The following OPRM1 variants were observed in gnomAD, a reference collection of about 807,000 sequenced individuals.
OPRM1 encodes the protein mu-type opioid receptor.
In OPRM1, 27 loss-of-function variants were observed where a neutral mutation model predicts 31.8. That is an observed-to-expected ratio of 0.85 (90% CI 0.63 to 1.17). The LOEUF (loss-of-function observed/expected upper bound fraction) is 1.17, where lower values mean the gene tolerates loss of function less well. OPRM1 is among the 50% of genes most tolerant of loss of function. The probability of loss-of-function intolerance (pLI) is 0.00; values close to 1 mark genes in which losing one functional copy is unlikely to be tolerated. For missense variants in OPRM1, 536 were observed against 511.1 expected (o/e 1.05, Z -0.47); for synonymous variants, 196 against 189.9 (o/e 1.03, Z -0.26).
intron 3 of OPRM1, among the ~76,000 whole-genome samples, chr6:154,186,005 C>A (rs536615035): frequency 2.6e-5 from 4 of 152,172 alleles, no homozygotes; most frequent in Non-Finnish European, 5.9e-5. Flanking sequence ...GTGTTCTTTG[C>A]GGCCTATCAA....
At chr6:154,052,802 T>A (rs1221808385) in intron 1 of OPRM1, among the ~76,000 whole-genome samples, 1 of 152,188 alleles carries the variant, frequency 6.6e-6, no homozygotes, top group Non-Finnish European at 1.5e-5. Context: ...ACTTAGTAGG[T>A]GTGTATATTT....
At chr6:154,076,008 CAT>C (rs1787821580) in intron 1 of OPRM1, among the ~76,000 whole-genome samples, 1 of 152,324 alleles carries the variant, frequency 6.6e-6, no homozygotes, top group Non-Finnish European at 1.5e-5. Context: ...CTCTTCTTCT[CAT>C]GTATAAGGAG....
At chr6:154,097,111 T>G (rs1793525116) in intron 3 of OPRM1, among the ~76,000 whole-genome samples, 2 of 152,176 alleles carry the variant, frequency 1.3e-5, no homozygotes, top group South Asian at 4.1e-4. Context: ...AGCCTTAATA[T>G]TCTGACATAT....
At chr6:154,183,990 C>T (rs1801121713) in intron 3 of OPRM1, among the ~76,000 whole-genome samples, 1 of 152,084 alleles carries the variant, frequency 6.6e-6, no homozygotes, top group Non-Finnish European at 1.5e-5. Context: ...AAGCAAATTT[C>T]AAGTACACAA....
chr6:154,244,301 GGTGT>G (rs10674508), intron 3 of OPRM1, among the ~76,000 whole-genome samples: 1,622 of 148,052 alleles, frequency 0.011, 19 homozygotes, highest in Middle Eastern at 0.021. Context: ...TGTGTGGGTG[GGTGT>G]GTGTGTGTGT....
At chr6:154,169,546 C>T (rs1311198284) in intron 3 of OPRM1, among the ~76,000 whole-genome samples, 2 of 152,344 alleles carry the variant, frequency 1.3e-5, no homozygotes, top group African/African-American at 4.8e-5. Flanking sequence ...TTGAGAACTA[C>T]TGCCCTAGAT....
At chr6:154,057,800 G>T (rs1783612219) in intron 1 of OPRM1, among the ~76,000 whole-genome samples, 1 of 152,114 alleles carries the variant, frequency 6.6e-6, no homozygotes, top group African/African-American at 2.4e-5. Flanking sequence ...TCACTGTAAT[G>T]GAACGATGAC....
At chr6:154,217,260 A>C (rs1778477845) in intron 3 of OPRM1, 1 of 160,548 alleles carries the variant, frequency 6.2e-6, no homozygotes, top group African/African-American at 2.4e-5. Context: ...TTAGATGTAG[A>C]TTCTCTGGTC....
intron 1 of OPRM1, among the ~76,000 whole-genome samples, chr6:154,033,286 G>A (rs1306436329): frequency 6.6e-6 from 1 of 152,178 alleles, no homozygotes; most frequent in Non-Finnish European, 1.5e-5. Context: ...TTAAAGTGTG[G>A]AGGAGGAGAA....
intron 1 of OPRM1, among the ~76,000 whole-genome samples, chr6:154,082,553 T>C (rs1789409651): frequency 6.6e-6 from 1 of 152,224 alleles, no homozygotes; most frequent in African/African-American, 2.4e-5. Flanking sequence ...TGAAGTTGTC[T>C]TCTTTGTTGT....
chr6:154,227,584 A>C (rs1256996697), intron 3 of OPRM1, among the ~76,000 whole-genome samples: 1 of 152,014 alleles, frequency 6.6e-6, no homozygotes, highest in Non-Finnish European at 1.5e-5. Flanking sequence ...CGAGCATGGC[A>C]GCACACGCCT....
At chr6:154,094,734 G>A (rs1055069419) in intron 3 of OPRM1, among the ~76,000 whole-genome samples, 9 of 152,188 alleles carry the variant, frequency 5.9e-5, no homozygotes, top group African/African-American at 1.7e-4. Context: ...ATTGGCATAC[G>A]GTCAACTCTG....
chr6:154,212,818 T>G lies in OPRM1; in HGVS notation c.1165-33875T>G, dbSNP rs771338639. 7.4e-6 allele frequency: 12 copies of G among 1,613,792 alleles called. No homozygotes were observed. The East Asian group carries it at 2.7e-4, about 36-fold the overall frequency. On this transcript the variant is annotated intron_variant, in intron 3 of 3. Transcript: ENST00000337049. ...GAGGAGGGGGTGGTGTCTCCGCAGC[T>G]ATTTCTGGATCTTCCTGTTCACTTT...
At chr6:154,210,459 C>T (rs1053072260) in intron 3 of OPRM1, among the ~76,000 whole-genome samples, 1 of 151,982 alleles carries the variant, frequency 6.6e-6, no homozygotes, top group Non-Finnish European at 1.5e-5. Context: ...AGAAACTTAG[C>T]AAAAATACAT....
chr6:154,204,388 C>T (rs1348856514), intron 3 of OPRM1, among the ~76,000 whole-genome samples: 1 of 152,132 alleles, frequency 6.6e-6, no homozygotes, highest in African/African-American at 2.4e-5. Context: ...CAAAACAAAA[C>T]CAAAATGACA....
intron 3 of OPRM1, among the ~76,000 whole-genome samples, chr6:154,209,509 T>C (rs1202031380): frequency 6.6e-6 from 1 of 151,962 alleles, no homozygotes; most frequent in Non-Finnish European, 1.5e-5. Flanking sequence ...TCACCAGGTA[T>C]GGTGGTGCAC....
chr6:154,194,310 A>C (rs566949794), intron 3 of OPRM1, among the ~76,000 whole-genome samples: 1 of 152,292 alleles, frequency 6.6e-6, no homozygotes, highest in South Asian at 2.1e-4. Flanking sequence ...GAGGCAGGAG[A>C]ATCACTTGAA....
At chr6:154,015,685 A>G (rs753119029) in intron 1 of OPRM1, among the ~76,000 whole-genome samples, 4 of 152,082 alleles carry the variant, frequency 2.6e-5, no homozygotes, top group East Asian at 1.9e-4. Flanking sequence ...TATTTTTGGT[A>G]TGGCAAAATC....
chr6:154,057,905 G>T (rs982444020), intron 1 of OPRM1, among the ~76,000 whole-genome samples: 3 of 152,098 alleles, frequency 2.0e-5, no homozygotes, highest in Non-Finnish European at 4.4e-5. Flanking sequence ...AAAAAGTTTT[G>T]TATCAGTTTT....
Sources: gnomAD v4.1 joint callset for allele counts (sites outside exome capture counted in the v4.1 genomes callset) on GRCh38, gnomAD v4.1.1 for gene constraint, MANE v1.5 for transcripts, NCBI Gene and HGNC (gene_info 2026-07-23, HGNC 2026-07-21) for gene names.